Variants in PCDHA12 observed in about 807,000 individuals in gnomAD.
The protein encoded by PCDHA12 is protocadherin alpha 12.
PCDHA12 carries 44 observed loss-of-function variants against 60.0 expected under a neutral mutation model. The ratio of observed to expected loss-of-function variants is 0.73; its 90% CI spans 0.58 to 0.94. The LOEUF is 0.94. PCDHA12 is among the 40% of genes least tolerant of loss of function. PCDHA12 has a pLI of 0.00. For synonymous variants in PCDHA12, 569 were observed against 553.0 expected (o/e 1.03, Z -0.40); for missense variants, 1,276 against 1,239.7 (o/e 1.03, Z -0.44).
At position 140,875,818 on chromosome 5, in the gene PCDHA12, G is replaced by T. The variant is rs2055839936; in HGVS notation, c.346G>T (p.Val116Phe). ...LEVIVDRPLQ[V>F]FHVDVEVKDI... ...GGTGATCGTGGACAGGCCGCTGCAG[G>T]TTTTCCATGTGGACGTGGAGGTGAA... is the stretch of plus-strand genomic sequence containing the variant. Residue 116 changes from valine (V) to phenylalanine (F), a missense_variant, in exon 1 of 4, where the codon GTT becomes TTT. Coordinates refer to ENST00000398631, the MANE Select transcript of PCDHA12 (RefSeq NM_018903.4). 1 of 1,614,100 alleles carries T rather than the reference G, an allele frequency of 6.2e-7. No individual in the cohort carries two copies. Among genetic ancestry groups the T allele is most frequent in the East Asian group, 2.2e-5 (1 of 44,898 alleles).
chr5:140,988,847 C>A (rs2097315589), intron 3 of PCDHA12: 1 of 152,186 alleles, frequency 6.6e-6, no homozygotes, highest in African/African-American at 2.4e-5. Context: ...CTCCTGAAAC[C>A]TATCCAGTCT....
At chr5:140,994,657 A>G (rs2097643468) in intron 3 of PCDHA12, among the ~76,000 whole-genome samples, 1 of 152,166 alleles carries the variant, frequency 6.6e-6, no homozygotes, top group Non-Finnish European at 1.5e-5. Flanking sequence ...GTGAGCTGAG[A>G]TCACACTACT....
chr5:140,927,894 C>T (rs372774238), intron 1 of PCDHA12: 2 of 1,614,208 alleles, frequency 1.2e-6, no homozygotes, highest in South Asian at 2.2e-5. Context: ...CTGACGTGAA[C>T]GATCATGCCC....
chr5:140,952,113 G>T (rs2094688731), intron 1 of PCDHA12, among the ~76,000 whole-genome samples: 1 of 151,990 alleles, frequency 6.6e-6, no homozygotes. Flanking sequence ...TCGTGTGAGG[G>T]ATGGGCTCCC....
intron 1 of PCDHA12, chr5:140,929,216 A>G: frequency 6.2e-7 from 1 of 1,614,100 alleles, no homozygotes; most frequent in Non-Finnish European, 8.5e-7. Flanking sequence ...CGTGGGGAGT[A>G]CAATGCTGCC....
At chr5:140,900,100 A>G (rs1453942019) in intron 1 of PCDHA12, among the ~76,000 whole-genome samples, 1 of 152,162 alleles carries the variant, frequency 6.6e-6, no homozygotes, top group African/African-American at 2.4e-5. Flanking sequence ...ATGCGCCACC[A>G]TACCTGGCCT....
chr5:140,916,871 T>C (rs1321229691), intron 1 of PCDHA12, among the ~76,000 whole-genome samples: 1 of 152,162 alleles, frequency 6.6e-6, no homozygotes, highest in African/African-American at 2.4e-5. Context: ...ACCTAGGAAT[T>C]GCAATCCTTG....
At chr5:140,903,061 C>T (rs2069972197) in intron 1 of PCDHA12, among the ~76,000 whole-genome samples, 1 of 152,052 alleles carries the variant, frequency 6.6e-6, no homozygotes, top group African/African-American at 2.4e-5. Context: ...GACTTCTTTT[C>T]CTTTGGGTAG....
intron 3 of PCDHA12, among the ~76,000 whole-genome samples, chr5:140,994,339 A>T (rs1279466681): frequency 6.6e-6 from 1 of 152,146 alleles, no homozygotes; most frequent in Non-Finnish European, 1.5e-5. Context: ...TGAACAGTGG[A>T]TGTTGTGGGA....
At chr5:140,915,732 G>A (rs1454734995) in intron 1 of PCDHA12, among the ~76,000 whole-genome samples, 2 of 151,870 alleles carry the variant, frequency 1.3e-5, no homozygotes, top group East Asian at 3.9e-4. Flanking sequence ...ATTGTGCTGG[G>A]TCAGACCTAT....
intron 1 of PCDHA12, among the ~76,000 whole-genome samples, chr5:140,947,317 G>A (rs1456422381): frequency 2.0e-5 from 3 of 151,480 alleles, no homozygotes; most frequent in Non-Finnish European, 4.4e-5. Flanking sequence ...TAAAAAGTCG[G>A]TTGACCATAA....
At chr5:140,888,551 T>G (rs2061873493) in intron 1 of PCDHA12, among the ~76,000 whole-genome samples, 1 of 152,240 alleles carries the variant, frequency 6.6e-6, no homozygotes, top group Admixed American at 6.5e-5. Flanking sequence ...TACCAATTTA[T>G]TCCTTTCAAG....
chr5:140,880,419 G>A (rs1554171271), intron 1 of PCDHA12, among the ~76,000 whole-genome samples: 2 of 152,106 alleles, frequency 1.3e-5, no homozygotes, highest in Non-Finnish European at 2.9e-5. Context: ...TTAAAAGCGG[G>A]AACAGTTTTT....
chr5:140,961,770 A>C, intron 1 of PCDHA12, among the ~76,000 whole-genome samples: 1 of 152,206 alleles, frequency 6.6e-6, no homozygotes, highest in East Asian at 1.9e-4. Flanking sequence ...ATTTATATCA[A>C]GCTTAATGGC....
At chr5:140,992,295 A>G (rs2097504334) in intron 3 of PCDHA12, among the ~76,000 whole-genome samples, 1 of 152,134 alleles carries the variant, frequency 6.6e-6, no homozygotes, top group African/African-American at 2.4e-5. Flanking sequence ...AAAGGATGGG[A>G]GTATTGTTTT....
At position 140,894,452 on chromosome 5, in the gene PCDHA12, A is replaced by G. The variant is rs555452172; in HGVS notation, c.2367+16613A>G. On this transcript the variant is annotated intron_variant, in intron 1 of 3. Coordinates refer to ENST00000398631, the MANE Select transcript of PCDHA12 (RefSeq NM_018903.4). ...ATCCTACCTAGCTCTTTTTTAAAAA[A>G]TATTTTACTTTTTATTCTTGTTTTC... 3.9e-5 allele frequency among the ~76,000 whole-genome samples: 6 copies of G among 152,050 alleles called. No homozygotes were observed. In the East Asian group the frequency reaches 9.6e-4, roughly 24 times the overall value.
At chr5:140,900,776 G>A (rs1407126944) in intron 1 of PCDHA12, among the ~76,000 whole-genome samples, 1 of 152,172 alleles carries the variant, frequency 6.6e-6, no homozygotes, top group Non-Finnish European at 1.5e-5. Flanking sequence ...GCTTTTTGAG[G>A]AAACTCCAAA....
At chr5:140,916,641 G>T (rs781877597) in intron 1 of PCDHA12, among the ~76,000 whole-genome samples, 2 of 152,150 alleles carry the variant, frequency 1.3e-5, no homozygotes, top group African/African-American at 2.4e-5. Context: ...TCCTACTGTG[G>T]CTGAGCTGGT....
chr5:140,924,901 A>AAAAAAT (rs369245222), intron 1 of PCDHA12, among the ~76,000 whole-genome samples: 13 of 80,502 alleles, frequency 1.6e-4, no homozygotes, highest in East Asian at 1.6e-3. Flanking sequence ...TCTCAAAAAA[A>AAAAAAT]AAAATAAAAT....
Sources: allele counts gnomAD v4.1 joint callset (sites outside exome capture counted in the v4.1 genomes callset), GRCh38; gene constraint gnomAD v4.1.1; transcripts MANE v1.5; gene names NCBI Gene and HGNC (gene_info 2026-07-23, HGNC 2026-07-21).